MSRA: variants seen among roughly 807,000 people sequenced by gnomAD.
MSRA encodes methionine sulfoxide reductase A, also known as mitochondrial peptide methionine sulfoxide reductase.
MSRA carries 54 observed loss-of-function variants against 31.3 expected under a neutral mutation model. That is an observed-to-expected ratio of 1.73 (90% CI 1.39 to 2.17). The LOEUF is 2.17. Ranked by LOEUF, MSRA falls within the 30% of genes most tolerant of loss-of-function variation. The pLI, the probability that MSRA is intolerant of heterozygous loss-of-function variation, is 0.00. For synonymous variants in MSRA, 169 were observed against 116.5 expected (o/e 1.45, Z -2.90); for missense variants, 507 against 300.9 (o/e 1.69, Z -5.07).
intron 3 of MSRA, among the ~76,000 whole-genome samples, chr8:10,246,976 C>A (rs112891709): frequency 1.3e-5 from 2 of 152,144 alleles, no homozygotes; most frequent in African/African-American, 4.8e-5. Flanking sequence ...ACTTAATGGC[C>A]TAAGAGAAAA....
chr8:10,069,032 G>C (rs535619481), intron 1 of MSRA, among the ~76,000 whole-genome samples: 9 of 152,276 alleles, frequency 5.9e-5, no homozygotes, highest in African/African-American at 1.9e-4. Flanking sequence ...TTTTTTTGAT[G>C]TTGATGTAAA....
At chr8:10,268,592 CT>C (rs1307490148) in intron 3 of MSRA, among the ~76,000 whole-genome samples, 3 of 152,232 alleles carry the variant, frequency 2.0e-5, no homozygotes, top group Non-Finnish European at 4.4e-5. Context: ...CAATAAGTTG[CT>C]GCTAATTGAC....
chr8:10,283,814 T>TATAC (rs1563307551), intron 3 of MSRA, among the ~76,000 whole-genome samples: 1 of 43,514 alleles, frequency 2.3e-5, no homozygotes, highest in African/African-American at 6.5e-5. Flanking sequence ...TATATATATA[T>TATAC]ATATATATAT....
intron 1 of MSRA, among the ~76,000 whole-genome samples, chr8:10,141,892 G>A (rs953271645): frequency 2.0e-5 from 3 of 152,226 alleles, no homozygotes; most frequent in Non-Finnish European, 4.4e-5. Context: ...CTCAGTCAAT[G>A]TTGATGACTG....
At position 10,083,709 on chromosome 8, in the gene MSRA, T is replaced by C. The variant is rs181000259; in HGVS notation, c.142+29051T>C. Among the ~76,000 whole-genome samples the C allele has an allele frequency of 1.7e-3, 260 of 152,350 alleles. 1 individual carries two copies. Among genetic ancestry groups the C allele is most frequent in the African/African-American group, 5.8e-3 (240 of 41,574 alleles). On this transcript the variant is annotated intron_variant, in intron 1 of 5. Transcript: ENST00000317173. ...TTTTTTTTTCCTTATTCTGACAGTT[T>C]TATCTGCTATCCTGTTTTTTTCCCT...
intron 4 of MSRA, among the ~76,000 whole-genome samples, chr8:10,314,188 C>T (rs765516924): frequency 6.6e-6 from 1 of 151,324 alleles, no homozygotes; most frequent in Non-Finnish European, 1.5e-5. Flanking sequence ...CATCAAAAAG[C>T]ATCATAAAGA....
chr8:10,223,841 G>A (rs749030894), intron 2 of MSRA, among the ~76,000 whole-genome samples: 16 of 152,066 alleles, frequency 1.1e-4, no homozygotes, highest in Admixed American at 3.3e-4. Context: ...AAAACGTGAA[G>A]ACCCATCTTA....
At chr8:10,399,063 G>A (rs1401787114) in intron 5 of MSRA, among the ~76,000 whole-genome samples, 2 of 152,214 alleles carry the variant, frequency 1.3e-5, no homozygotes, top group Non-Finnish European at 2.9e-5. Context: ...CAGAGGACAG[G>A]AGCAGCTGCC....
Position 10,123,006 on chromosome 8 carries a change from T to C in MSRA, c.142+68348T>C, listed in dbSNP as rs192127384. Among the ~76,000 whole-genome samples, 4 of 152,330 alleles carry C rather than the reference T, an allele frequency of 2.6e-5. No homozygotes were observed. The East Asian group carries it at 7.7e-4, about 29-fold the overall frequency. ...TGCAGCGAACATATATGTGCATGTGTCTATATAGGAGAATGATTTATATTC... is the reference window on the plus strand; with the variant it reads ...TGCAGCGAACATATATGTGCATGTGCCTATATAGGAGAATGATTTATATTC... On this transcript the variant is annotated intron_variant, in intron 1 of 5. Coordinates refer to ENST00000317173, the MANE Select transcript of MSRA (RefSeq NM_012331.5).
At chr8:10,060,673 A>G (rs574958377) in intron 1 of MSRA, among the ~76,000 whole-genome samples, 22 of 151,780 alleles carry the variant, frequency 1.4e-4, no homozygotes, top group Non-Finnish European at 2.6e-4. Context: ...TTTCTTGTCA[A>G]GTACATCTTT....
In MSRA at chr8:10,241,240, C is replaced by T. The variant is rs541701753; in HGVS notation, c.212-3864C>T. On this transcript the variant is annotated intron_variant, in intron 2 of 5. Coordinates refer to ENST00000317173, the MANE Select transcript of MSRA (RefSeq NM_012331.5). ...AAACTAGGCTTCTTGGTGAAATGGTCGATTCTGGGACTGGGGTAGGAAATG... is the reference window on the plus strand; with the variant it reads ...AAACTAGGCTTCTTGGTGAAATGGTTGATTCTGGGACTGGGGTAGGAAATG... Among the ~76,000 whole-genome samples the T allele has an allele frequency of 9.9e-5, 15 of 152,020 alleles. No homozygotes were observed. The South Asian group carries it at 2.7e-3, about 27-fold the overall frequency.
At chr8:10,397,627 C>T (rs970223419) in intron 5 of MSRA, among the ~76,000 whole-genome samples, 6 of 152,204 alleles carry the variant, frequency 3.9e-5, no homozygotes, top group Non-Finnish European at 8.8e-5. Context: ...TGGCACCTAA[C>T]AGGTGATGTC....
intron 4 of MSRA, among the ~76,000 whole-genome samples, chr8:10,316,712 A>G (rs1801747805): frequency 6.6e-6 from 1 of 152,114 alleles, no homozygotes; most frequent in South Asian, 2.1e-4. Context: ...TCTCAGATAA[A>G]GTGAGATGGT....
intron 3 of MSRA, among the ~76,000 whole-genome samples, chr8:10,247,412 C>A (rs1563265686): frequency 6.6e-6 from 1 of 152,226 alleles, no homozygotes; most frequent in Non-Finnish European, 1.5e-5. Flanking sequence ...TTTGCACTTT[C>A]TTCCACCAAG....
At chr8:10,299,551 A>C (rs1800731514) in intron 3 of MSRA, among the ~76,000 whole-genome samples, 1 of 152,126 alleles carries the variant, frequency 6.6e-6, no homozygotes, top group Non-Finnish European at 1.5e-5. Context: ...GGACTAGCCA[A>C]TTAATAATAA....
At chr8:10,374,822 G>A (rs1402670522) in intron 5 of MSRA, among the ~76,000 whole-genome samples, 1 of 152,152 alleles carries the variant, frequency 6.6e-6, no homozygotes, top group Non-Finnish European at 1.5e-5. Flanking sequence ...AGCCTAGTAG[G>A]AGACATTGGC....
intron 2 of MSRA, among the ~76,000 whole-genome samples, chr8:10,228,732 C>G (rs927961402): frequency 3.3e-5 from 5 of 152,212 alleles, no homozygotes; most frequent in African/African-American, 1.2e-4. Flanking sequence ...AGTGGCCTAA[C>G]CTCTCTGAAT....
At chr8:10,311,839 C>T (rs905700764) in intron 4 of MSRA, among the ~76,000 whole-genome samples, 29 of 152,068 alleles carry the variant, frequency 1.9e-4, no homozygotes, top group African/African-American at 6.5e-4. Context: ...GGTGCTTGTG[C>T]CCAGGAGGTT....
intron 3 of MSRA, among the ~76,000 whole-genome samples, chr8:10,257,924 G>A (rs1798268042): frequency 6.6e-6 from 1 of 152,220 alleles, no homozygotes; most frequent in Admixed American, 6.5e-5. Flanking sequence ...TAAGAAGCAG[G>A]AGATGAGTTC....
Sources: allele counts gnomAD v4.1 joint callset (sites outside exome capture counted in the v4.1 genomes callset), GRCh38; gene constraint gnomAD v4.1.1; transcripts MANE v1.5; gene names NCBI Gene and HGNC (gene_info 2026-07-23, HGNC 2026-07-21).